The following PTGES variants were observed in gnomAD, a reference collection of about 807,000 sequenced individuals.
PTGES encodes MGST1-like 1.
PTGES carries 3 observed loss-of-function variants against 11.8 expected under a neutral mutation model. That is an observed-to-expected ratio of 0.25 (90% CI 0.12 to 0.66). The LOEUF is 0.66. Ranked by LOEUF, PTGES falls within the 30% of genes least tolerant of loss-of-function variation. The probability of loss-of-function intolerance (pLI) is 0.82; values close to 1 mark genes in which losing one functional copy is unlikely to be tolerated. For missense variants in PTGES, 180 were observed against 213.0 expected, an observed-to-expected ratio of 0.85 and a Z score of 0.96; for synonymous variants, 94 against 90.4, an observed-to-expected ratio of 1.04 and a Z score of -0.22.
intron 1 of PTGES, 128 bp downstream of exon 1, chr9:129,752,759 T>C (rs867114791): frequency 7.0e-7 from 1 of 1,424,646 alleles, no homozygotes; most frequent in Non-Finnish European, 9.7e-7. Context: ...CCGGCGGGGC[T>C]GGAAGAGGTG....
Position 129,739,537 on chromosome 9 carries a change from ACAT to A in PTGES, c.*71_*73del. The A allele has an allele frequency of 6.7e-7, 1 of 1,492,662 alleles. No homozygotes were observed. The highest frequency in any genetic ancestry group is 1.4e-5 in the African/African-American group (1 of 71,876). 92.5% of individuals were successfully genotyped at this position (1,492,662 alleles called of 1,614,324 possible). A position where few individuals can be genotyped will look rare whatever the true frequency, so the allele number is the denominator to read the frequency against. On this transcript the variant is annotated 3_prime_UTR_variant, in exon 3 of 3. Transcript: ENST00000340607. This position sits in a 1 kb window ranked among gnomAD's most constrained non-coding sequence, Gnocchi z 5.7. Reference sequence around the variant, plus strand: ...CAGGGCCCACCACAATCTGGAAGGAACATCAAGTCCCCAGGTATAGCCACGGCG... The same window carrying A: ...CAGGGCCCACCACAATCTGGAAGGAACAAGTCCCCAGGTATAGCCACGGCG...
chr9:129,743,648 T>C (rs1833022481), intron 2 of PTGES, among the ~76,000 whole-genome samples: 1 of 152,144 alleles, frequency 6.6e-6, no homozygotes, highest in Admixed American at 6.5e-5. Flanking sequence ...GCATCCACGG[T>C]GGGGCCAATT....
chr9:129,746,595 C>T (rs1833050145), intron 2 of PTGES, among the ~76,000 whole-genome samples: 2 of 152,124 alleles, frequency 1.3e-5, no homozygotes, highest in Admixed American at 1.3e-4. Context: ...AAAAAACCCA[C>T]AGACTTTCTT....
intron 2 of PTGES, among the ~76,000 whole-genome samples, chr9:129,741,278 G>A (rs922935013): frequency 2.6e-5 from 4 of 152,190 alleles, no homozygotes; most frequent in African/African-American, 9.7e-5. Context: ...GCAGAAAGGT[G>A]AGCCCATGGC....
chr9:129,751,421 G>A (rs1833106995), intron 1 of PTGES, among the ~76,000 whole-genome samples: 1 of 151,882 alleles, frequency 6.6e-6, no homozygotes, highest in Non-Finnish European at 1.5e-5. Flanking sequence ...GCTCACGCCT[G>A]TAATTCCAAC....
At chr9:129,749,302 C>T (rs1214772117) in intron 1 of PTGES, among the ~76,000 whole-genome samples, 1 of 151,908 alleles carries the variant, frequency 6.6e-6, no homozygotes, top group Non-Finnish European at 1.5e-5. Flanking sequence ...ATTGCTTGAG[C>T]TTCCAGGAGT....
At chr9:129,752,748 C>T in intron 1 of PTGES, 139 bp downstream of exon 1, 4 of 1,310,386 alleles carry the variant, frequency 3.1e-6, no homozygotes, top group Non-Finnish European at 4.3e-6. Context: ...CAGGAAGCCC[C>T]CCGGCGGGGC....
intron 1 of PTGES, among the ~76,000 whole-genome samples, chr9:129,751,613 A>T (rs986208993): frequency 4.6e-5 from 7 of 151,720 alleles, no homozygotes; most frequent in Non-Finnish European, 8.8e-5. Flanking sequence ...CAGGAGGTGG[A>T]GGTTGCAGTA....
intron 1 of PTGES, among the ~76,000 whole-genome samples, chr9:129,752,372 A>T (rs1467827369): frequency 6.6e-6 from 1 of 152,184 alleles, no homozygotes; most frequent in Non-Finnish European, 1.5e-5. Flanking sequence ...GGCTCGGATT[A>T]GTGGGGAAAT....
chr9:129,752,125 C>T (rs1240913829), intron 1 of PTGES, among the ~76,000 whole-genome samples: 1 of 152,242 alleles, frequency 6.6e-6, no homozygotes, highest in Non-Finnish European at 1.5e-5. Flanking sequence ...CCAGCCTTGC[C>T]TCACCTCGCC....
intron 1 of PTGES, 72 bp downstream of exon 1, chr9:129,752,815 C>T (rs971729650): frequency 4.3e-6 from 7 of 1,609,866 alleles, no homozygotes; most frequent in African/African-American, 2.7e-5. Context: ...TTCCCTATCC[C>T]GGGGCTTTCC....
intron 2 of PTGES, among the ~76,000 whole-genome samples, chr9:129,743,188 C>A (rs1047562274): frequency 6.6e-6 from 1 of 152,180 alleles, no homozygotes; most frequent in African/African-American, 2.4e-5. Context: ...TGACTGTCAG[C>A]CCCTGGGGCT....
chr9:129,748,676 G>A lies in PTGES; in HGVS notation c.188C>T (p.Pro63Leu). The A allele has an allele frequency of 6.3e-7, 1 of 1,581,252 alleles. No individual in the cohort carries two copies. Among genetic ancestry groups the A allele is most frequent in the East Asian group, 2.4e-5 (1 of 41,680 alleles). ...TTGCCTGAGGCAGCGTTCCACGTCGGGGTCGCTCCTGCAATACTGGGGGCC... is the reference window on the plus strand; with the variant it reads ...TTGCCTGAGGCAGCGTTCCACGTCGAGGTCGCTCCTGCAATACTGGGGGCC... ...HGGPQYCRSD[P>L]DVERCLRAHR... Residue 63 changes from proline to leucine, a missense_variant, in exon 2 of 3, where the codon CCC (proline) becomes CTC (leucine). Pro to Leu is a moderately conservative substitution (Grantham distance 98, BLOSUM62 -3). Coordinates refer to ENST00000340607, the MANE Select transcript of PTGES (RefSeq NM_004878.5).
In PTGES at chr9:129,739,582, C is replaced by A; in HGVS notation, c.*29G>T. ...GCCACGGCGGCTCTTGGCCCATGGT[C>A]TGGTGGCCAAGGAGGCATCAGCTGC... On this transcript the variant is annotated 3_prime_UTR_variant, in exon 3 of 3. Coordinates refer to ENST00000340607, the MANE Select transcript of PTGES (RefSeq NM_004878.5). This position sits in a 1 kb window ranked among gnomAD's most constrained non-coding sequence, Gnocchi z 5.7. The A allele has an allele frequency of 6.5e-7, 1 of 1,543,306 alleles. No homozygotes were observed. The highest frequency in any genetic ancestry group is 1.2e-5 in the South Asian group (1 of 83,516).
chr9:129,749,954 C>T (rs558716398), intron 1 of PTGES, among the ~76,000 whole-genome samples: 9 of 152,280 alleles, frequency 5.9e-5, no homozygotes, highest in African/African-American at 1.9e-4. Flanking sequence ...AACCCAGCTC[C>T]GCGCTGATTA....
At chr9:129,748,009 CAAAAAAAAAAA>C (rs71497492) in intron 2 of PTGES, among the ~76,000 whole-genome samples, 3 of 23,426 alleles carry the variant, frequency 1.3e-4, no homozygotes, top group East Asian at 2.1e-3. Context: ...GACTCTGTCT[CAAAAAAAAAAA>C]AAAAAAAAAA....
rs1026492202 is a variant in PTGES, at chr9:129,752,760, G to A, written c.126+127C>T. On this transcript the variant is annotated intron_variant, in intron 1 of 2. Transcript: ENST00000340607. ...TGGCAGGAAGCCCCCCGGCGGGGCTGGAAGAGGTGCTCACCTCCCAGCCCT... is the reference window on the plus strand; with the variant it reads ...TGGCAGGAAGCCCCCCGGCGGGGCTAGAAGAGGTGCTCACCTCCCAGCCCT... 34 of 1,433,930 alleles carry A rather than the reference G, an allele frequency of 2.4e-5. No homozygotes were observed. In the African/African-American group the frequency reaches 4.2e-4, roughly 18 times the overall value. 88.8% of individuals were successfully genotyped at this position (1,433,930 alleles called of 1,614,324 possible).
At chr9:129,742,921 A>T (rs1047128647) in intron 2 of PTGES, among the ~76,000 whole-genome samples, 1 of 152,178 alleles carries the variant, frequency 6.6e-6, no homozygotes, top group Non-Finnish European at 1.5e-5. Flanking sequence ...TAAGAGAATC[A>T]TAGTACAGAT....
chr9:129,748,950 A>T (rs908524882), intron 1 of PTGES, among the ~76,000 whole-genome samples: 1 of 152,188 alleles, frequency 6.6e-6, no homozygotes, highest in Non-Finnish European at 1.5e-5. Flanking sequence ...TGAAGCTCAC[A>T]GTCCGATGGG....
Sources: gnomAD v4.1 joint callset for allele counts (sites outside exome capture counted in the v4.1 genomes callset) on GRCh38, gnomAD v4.1.1 for gene constraint, Gnocchi (gnomAD v3.1) non-coding constraint, MANE v1.5 for transcripts, NCBI Gene and HGNC (gene_info 2026-07-23, HGNC 2026-07-21) for gene names.